Variants in RTTN observed in about 807,000 individuals in gnomAD.
RTTN encodes the protein rotatin.
In RTTN, 182 loss-of-function variants were observed where a neutral mutation model predicts 269.2. The observed-to-expected ratio is 0.68, with a 90% CI of 0.60 to 0.76. RTTN has a LOEUF of 0.76. RTTN is among the 30% of genes least tolerant of loss of function. The pLI is 0.00. For synonymous variants in RTTN, 1,006 were observed against 963.5 expected (o/e 1.04, Z -0.82); for missense variants, 2,545 against 2,608.6 (o/e 0.98, Z 0.53).
intron 3 of RTTN, 67 bp from the exon 4 acceptor site, chr18:70,202,050 T>C (rs988352861): frequency 1.1e-6 from 1 of 904,358 alleles, no homozygotes; most frequent in Non-Finnish European, 1.7e-6. Flanking sequence ...CTTACTTTCT[T>C]TAAGTGGTAA....
intron 14 of RTTN, among the ~76,000 whole-genome samples, chr18:70,154,237 T>C (rs2060615126): frequency 6.6e-6 from 1 of 152,048 alleles, no homozygotes. Context: ...TATCATTCTA[T>C]GACAGGAAAA....
At chr18:70,193,176 C>CAAAAAAA in intron 8 of RTTN, 112 bp downstream of exon 8, 4 of 655,584 alleles carry the variant, frequency 6.1e-6, no homozygotes, top group Non-Finnish European at 8.7e-6. Flanking sequence ...GTTAATGTTT[C>CAAAAAAA]AAAAAAAAAA....
At chr18:70,144,757 A>G (rs2060346379) in intron 18 of RTTN, among the ~76,000 whole-genome samples, 1 of 152,170 alleles carries the variant, frequency 6.6e-6, no homozygotes, top group African/African-American at 2.4e-5. Context: ...AGAAGAACAT[A>G]ATGTGTTTCC....
intron 17 of RTTN, among the ~76,000 whole-genome samples, 180 bp downstream of exon 17, chr18:70,148,721 C>T (rs975535789): frequency 2.0e-5 from 3 of 152,158 alleles, no homozygotes; most frequent in Non-Finnish European, 2.9e-5. Context: ...GTGGATGAAA[C>T]GTCAGCAAGT....
At chr18:70,036,882 C>T (rs2057190047) in intron 40 of RTTN, among the ~76,000 whole-genome samples, 1 of 152,220 alleles carries the variant, frequency 6.6e-6, no homozygotes, top group Non-Finnish European at 1.5e-5. Context: ...AAAAGAGGAA[C>T]TGAAAAGTGT....
At chr18:70,171,012 G>A (rs994333698) in intron 11 of RTTN, among the ~76,000 whole-genome samples, 1 of 151,600 alleles carries the variant, frequency 6.6e-6, no homozygotes, top group Non-Finnish European at 1.5e-5. Context: ...ATTTGGAAGG[G>A]GAAACAAAGA....
chr18:70,164,138 T>C (rs1290304071), intron 14 of RTTN, among the ~76,000 whole-genome samples: 2 of 152,036 alleles, frequency 1.3e-5, no homozygotes, highest in African/African-American at 4.8e-5. Context: ...GTGATGATGG[T>C]ACAACAATAC....
chr18:70,098,123 C>T (rs553405555), intron 28 of RTTN, among the ~76,000 whole-genome samples: 5 of 151,982 alleles, frequency 3.3e-5, no homozygotes, highest in East Asian at 1.9e-4. Context: ...TTTAGGTTCA[C>T]GGGTAACGTG....
chr18:70,103,840 T>G (rs2059246965), intron 28 of RTTN, among the ~76,000 whole-genome samples: 1 of 151,466 alleles, frequency 6.6e-6, no homozygotes, highest in Non-Finnish European at 1.5e-5. Context: ...GCTTATAGAG[T>G]TTCTGCCGAG....
intron 18 of RTTN, 88 bp downstream of exon 18, chr18:70,145,524 T>C (rs2060366612): frequency 2.0e-6 from 2 of 1,009,724 alleles, no homozygotes; most frequent in South Asian, 1.9e-5. Flanking sequence ...CCCCAGGACA[T>C]ACACAAACTG....
At chr18:70,175,744 T>C (rs1459198173) in intron 11 of RTTN, among the ~76,000 whole-genome samples, 4 of 151,722 alleles carry the variant, frequency 2.6e-5, no homozygotes, top group Non-Finnish European at 4.4e-5. Flanking sequence ...ACTTGACCAA[T>C]ACTTAGAAAC....
intron 32 of RTTN, among the ~76,000 whole-genome samples, chr18:70,086,184 G>A (rs1183277045): frequency 6.6e-6 from 1 of 152,102 alleles, no homozygotes; most frequent in East Asian, 1.9e-4. Flanking sequence ...AATTAGAGAA[G>A]TAATACAGCA....
At position 70,137,618 on chromosome 18, in the gene RTTN, A is replaced by G. The variant is rs1309695741; in HGVS notation, c.2788+1981T>C. Among the ~76,000 whole-genome samples the G allele has an allele frequency of 2.0e-5, 3 of 151,938 alleles. No homozygotes were observed. In the East Asian group the frequency reaches 5.8e-4, roughly 29 times the overall value. On this transcript the variant is annotated intron_variant, in intron 21 of 48. Transcript: ENST00000640769. ...CCCCAAATCCAGCCAGCTCCATCTCAAACACATCAATTTCTCATACACACA... is the reference window on the plus strand; with the variant it reads ...CCCCAAATCCAGCCAGCTCCATCTCGAACACATCAATTTCTCATACACACA...
chr18:70,060,814 CTT>C (rs74633560), intron 35 of RTTN, among the ~76,000 whole-genome samples: 5 of 145,660 alleles, frequency 3.4e-5, no homozygotes, highest in Admixed American at 6.9e-5. Flanking sequence ...ATGAGTTCAA[CTT>C]TTTTTTTTTT....
intron 13 of RTTN, 137 bp downstream of exon 13, chr18:70,166,782 T>C: frequency 4.9e-6 from 3 of 607,096 alleles, no homozygotes; most frequent in Non-Finnish European, 8.6e-6. Context: ...CCTTTAAAAA[T>C]CAGACACATA....
intron 10 of RTTN, among the ~76,000 whole-genome samples, chr18:70,187,246 T>G (rs2061568924): frequency 6.6e-6 from 1 of 152,144 alleles, no homozygotes; most frequent in Admixed American, 6.5e-5. Context: ...TACCTACTAT[T>G]CTATGCACAT....
rs181069592 is a variant in RTTN, at chr18:70,036,648, C to A, written c.5542-5667G>T. 8.4e-4 allele frequency among the ~76,000 whole-genome samples: 128 copies of A among 152,188 alleles called. 2 individuals carry two copies. The highest frequency in any genetic ancestry group is 1.7e-3 in the Non-Finnish European group (113 of 67,998). ...ATCTATACACCAAACCCCCATGATA[C>A]AAGTTTACCTATATAACAAACCTAC... On this transcript the variant is annotated intron_variant, in intron 40 of 48. Transcript: ENST00000640769.
rs149437857 is a variant in RTTN, at chr18:70,188,176, T to A, written c.1237A>T (p.Met413Leu). 1 of 1,612,396 alleles carries A rather than the reference T, an allele frequency of 6.2e-7. No individual in the cohort carries two copies. Among genetic ancestry groups the A allele is most frequent in the Non-Finnish European group, 8.5e-7 (1 of 1,178,646 alleles). ...GAAATTGCTTCACCAATAAGTGTCA[T>A]ATCCTCTGTAAGCAATTCCAGAACT... ...IRVLELLTED[M>L]TLIGEAISTD... Residue 413 changes from methionine (M) to leucine (L), a missense_variant, in exon 10 of 49, where the codon ATG becomes TTG. Physicochemically the swap from Met to Leu is conservative, Grantham distance 15 (BLOSUM62 2). Coordinates refer to ENST00000640769, the MANE Select transcript of RTTN (RefSeq NM_173630.4).
intron 28 of RTTN, among the ~76,000 whole-genome samples, chr18:70,104,650 G>C (rs1166359907): frequency 6.6e-6 from 1 of 152,152 alleles, no homozygotes; most frequent in East Asian, 1.9e-4. Flanking sequence ...GGTCTTTGAT[G>C]ATGGTGACGT....
Sources: gnomAD v4.1 joint callset for allele counts (sites outside exome capture counted in the v4.1 genomes callset) on GRCh38, gnomAD v4.1.1 for gene constraint, MANE v1.5 for transcripts, NCBI Gene and HGNC (gene_info 2026-07-23, HGNC 2026-07-21) for gene names.